The following SDK1 variants were observed in gnomAD, a reference collection of about 807,000 sequenced individuals.
SDK1 encodes the protein sidekick cell adhesion molecule 1.
SDK1 carries 157 observed loss-of-function variants against 245.5 expected under a neutral mutation model. The ratio of observed to expected loss-of-function variants is 0.64; its 90% CI spans 0.56 to 0.73. The LOEUF is 0.73. Ranked by LOEUF, SDK1 falls within the 30% of genes least tolerant of loss-of-function variation. The pLI is 0.00. For synonymous variants in SDK1, 1,647 were observed against 1,278.5 expected (o/e 1.29, Z -6.15); for missense variants, 3,583 against 3,002.3 (o/e 1.19, Z -4.52).
chr7:3,755,856 A>G (rs1046080927), intron 4 of SDK1, among the ~76,000 whole-genome samples: 2 of 152,168 alleles, frequency 1.3e-5, no homozygotes, highest in African/African-American at 4.8e-5. Context: ...CTCCTTTCAC[A>G]TGGCATAGTG....
At chr7:3,892,796 A>G (rs1562517328) in intron 5 of SDK1, among the ~76,000 whole-genome samples, 1 of 152,230 alleles carries the variant, frequency 6.6e-6, no homozygotes, top group Non-Finnish European at 1.5e-5. Flanking sequence ...CCTGGGAGGC[A>G]GTCCGGAAAG....
chr7:4,076,577 T>C (rs141598479), intron 20 of SDK1, among the ~76,000 whole-genome samples: 1 of 152,318 alleles, frequency 6.6e-6, no homozygotes, highest in Non-Finnish European at 1.5e-5. Flanking sequence ...CATACATATA[T>C]ACATACATAA....
intron 1 of SDK1, among the ~76,000 whole-genome samples, chr7:3,530,675 A>G (rs559032588): frequency 8.1e-4 from 124 of 152,348 alleles, no homozygotes; most frequent in African/African-American, 2.8e-3. Context: ...AATATTTCAG[A>G]ATTATTGTGA....
At chr7:3,917,777 T>G (rs1435679208) in intron 5 of SDK1, among the ~76,000 whole-genome samples, 1 of 152,212 alleles carries the variant, frequency 6.6e-6, no homozygotes, top group Non-Finnish European at 1.5e-5. Context: ...GCTTCTCTCC[T>G]GCTACATACA....
intron 4 of SDK1, among the ~76,000 whole-genome samples, chr7:3,723,216 A>C (rs891212995): frequency 6.6e-6 from 1 of 152,220 alleles, no homozygotes; most frequent in African/African-American, 2.4e-5. Flanking sequence ...AAGAGTTCAA[A>C]ATGAGACAGT....
chr7:4,166,011 ACTC>A (rs1363640921), intron 32 of SDK1, among the ~76,000 whole-genome samples: 1 of 150,964 alleles, frequency 6.6e-6, no homozygotes, highest in African/African-American at 2.4e-5. Flanking sequence ...CTGGTCTTAA[ACTC>A]CTGGACTCAA....
chr7:3,660,219 G>T (rs757035769), intron 4 of SDK1, among the ~76,000 whole-genome samples: 1 of 151,860 alleles, frequency 6.6e-6, no homozygotes, highest in South Asian at 2.1e-4. Context: ...TGCAGAGCAG[G>T]GTAGAGAAAT....
In SDK1 at chr7:3,772,249, CT is replaced by C. The variant is rs923004270; in HGVS notation, c.714-49191del. Among the ~76,000 whole-genome samples the C allele has an allele frequency of 6.7e-4, 99 of 147,490 alleles. 1 individual carries two copies. Among genetic ancestry groups the C allele is most frequent in the African/African-American group, 1.7e-3 (68 of 40,212 alleles). ...TGTAGTGACATGTTTGAATTTTTTT[CT>C]TTTTTTTTTATATTCTACGTCTGTT... On this transcript the variant is annotated intron_variant, in intron 4 of 44. Transcript: ENST00000404826.
rs1444948203 is a variant in SDK1, at chr7:4,014,547, G to A, written c.2420+2312G>A. ...GCGAGTGTGTATCCTCCAGGGCACA[G>A]TCTCTGTGTCAGATCCGAGGCACAA... On this transcript the variant is annotated intron_variant, in intron 16 of 44. Coordinates refer to ENST00000404826, the MANE Select transcript of SDK1 (RefSeq NM_152744.4). Among the ~76,000 whole-genome samples, 3 of 152,226 alleles carry A rather than the reference G, an allele frequency of 2.0e-5. No homozygotes were observed. In the East Asian group the frequency reaches 5.8e-4, roughly 29 times the overall value.
chr7:4,113,401 C>T lies in SDK1; in HGVS notation c.3547C>T (p.Arg1183Cys), dbSNP rs746216164. Residue 1183 changes from arginine (R) to cysteine (C), a missense_variant, in exon 24 of 45, where the codon CGT (arginine) becomes TGT (cysteine). Coordinates refer to ENST00000404826, the MANE Select transcript of SDK1 (RefSeq NM_152744.4). ...PDVAPTSVTV[R>C]TASETSLRLR... ...CGTGGCTCCAACCAGCGTCACGGTC[C>T]GTACTGCCAGTGAGACCAGCCTGCG... is the stretch of plus-strand genomic sequence containing the variant. 8 of 1,613,810 alleles carry T rather than the reference C, an allele frequency of 5.0e-6. No individual in the cohort carries two copies. Among genetic ancestry groups the T allele is most frequent in the South Asian group, 3.3e-5 (3 of 91,080 alleles).
intron 29 of SDK1, among the ~76,000 whole-genome samples, chr7:4,146,716 G>C (rs2128206979): frequency 6.6e-6 from 1 of 152,336 alleles, no homozygotes; most frequent in African/African-American, 2.4e-5. Flanking sequence ...CCAAATAACT[G>C]CCTTCCCAAT....
intron 35 of SDK1, among the ~76,000 whole-genome samples, chr7:4,181,579 C>G (rs1034784928): frequency 6.6e-6 from 1 of 152,144 alleles, no homozygotes; most frequent in Non-Finnish European, 1.5e-5. Context: ...CATCCCTGCT[C>G]CAGCCCTCCT....
intron 4 of SDK1, among the ~76,000 whole-genome samples, chr7:3,816,176 A>G (rs1779503330): frequency 6.7e-6 from 1 of 150,220 alleles, no homozygotes; most frequent in Non-Finnish European, 1.5e-5. Flanking sequence ...TAACATCACA[A>G]TTAAAAGAAC....
intron 14 of SDK1, among the ~76,000 whole-genome samples, chr7:4,000,449 C>A (rs1040037601): frequency 1.3e-5 from 2 of 152,192 alleles, no homozygotes; most frequent in African/African-American, 4.8e-5. Flanking sequence ...TCCTGAGCCC[C>A]TCCCCAGCAT....
intron 4 of SDK1, among the ~76,000 whole-genome samples, chr7:3,689,434 C>G (rs1280474163): frequency 6.6e-6 from 1 of 152,152 alleles, no homozygotes; most frequent in African/African-American, 2.4e-5. Context: ...CAGGGTGGAA[C>G]AGAGAGAGGG....
At chr7:3,390,403 A>G (rs896481918) in intron 1 of SDK1, among the ~76,000 whole-genome samples, 2 of 152,194 alleles carry the variant, frequency 1.3e-5, no homozygotes, top group Non-Finnish European at 2.9e-5. Flanking sequence ...ATCGAAGCCA[A>G]TATTGTAAGA....
intron 4 of SDK1, among the ~76,000 whole-genome samples, chr7:3,660,425 T>A (rs1044458043): frequency 6.7e-6 from 1 of 149,928 alleles, no homozygotes; most frequent in Non-Finnish European, 1.5e-5. Context: ...AAGTAAGAGA[T>A]CAACAAAGCA....
chr7:3,554,540 C>G (rs561213427), intron 1 of SDK1, among the ~76,000 whole-genome samples: 3 of 152,298 alleles, frequency 2.0e-5, no homozygotes, highest in Admixed American at 1.3e-4. Flanking sequence ...ATTGTACTCA[C>G]TCCTCCATAG....
chr7:4,101,568 G>C (rs1410521379), intron 22 of SDK1, among the ~76,000 whole-genome samples: 2 of 152,212 alleles, frequency 1.3e-5, no homozygotes, highest in South Asian at 2.1e-4. Flanking sequence ...CTGTGGAGGA[G>C]ACCCCACCAT....
Sources: allele counts gnomAD v4.1 joint callset (sites outside exome capture counted in the v4.1 genomes callset), GRCh38; gene constraint gnomAD v4.1.1; transcripts MANE v1.5; gene names NCBI Gene and HGNC (gene_info 2026-07-23, HGNC 2026-07-21).